TP53BP2: variants seen among roughly 807,000 people sequenced by gnomAD.
TP53BP2 encodes the protein tumor protein p53 binding protein 2.
Under a neutral mutation model 126.2 loss-of-function variants are expected in TP53BP2, and 62 were observed. The observed-to-expected ratio is 0.49, with a 90% CI of 0.40 to 0.61. TP53BP2 has a LOEUF of 0.61. Ranked by LOEUF, TP53BP2 falls within the 20% of genes least tolerant of loss-of-function variation. TP53BP2 has a pLI of 0.00. For synonymous variants in TP53BP2, 485 were observed against 502.9 expected (o/e 0.96, Z 0.48); for missense variants, 1,215 against 1,402.8 (o/e 0.87, Z 2.14).
At chr1:223,813,524 TA>T (rs1238403613) in intron 3 of TP53BP2, among the ~76,000 whole-genome samples, 5 of 152,106 alleles carry the variant, frequency 3.3e-5, no homozygotes, top group Non-Finnish European at 5.9e-5. Context: ...CCAGCTAAGG[TA>T]TCACCTTGCC....
At position 223,821,383 on chromosome 1, in the gene TP53BP2, G is replaced by A. The variant is rs764846432; in HGVS notation, c.28-16C>T. Reference sequence around the variant, plus strand: ...TAAGAAACATCTAAAAATTAAGAGAGAAACACATGGTTACTGGTACTGTCT... The same window carrying A: ...TAAGAAACATCTAAAAATTAAGAGAAAAACACATGGTTACTGGTACTGTCT... On this transcript the variant is annotated splice_polypyrimidine_tract_variant and intron_variant, in intron 1 of 17. Transcript: ENST00000343537. 1 of 1,613,908 alleles carries A rather than the reference G, an allele frequency of 6.2e-7. No individual in the cohort carries two copies. Among genetic ancestry groups the A allele is most frequent in the East Asian group, 2.2e-5 (1 of 44,884 alleles).
At chr1:223,810,753 A>G (rs1054190896) in intron 3 of TP53BP2, among the ~76,000 whole-genome samples, 3 of 152,230 alleles carry the variant, frequency 2.0e-5, no homozygotes, top group African/African-American at 7.2e-5. Context: ...CCTATTCATT[A>G]GGAAAGCTGT....
chr1:223,814,486 C>T, intron 2 of TP53BP2, 133 bp from the exon 3 acceptor site: 1 of 649,600 alleles, frequency 1.5e-6, no homozygotes. Context: ...AAATTTTTTT[C>T]ATTAAAACAC....
Position 223,845,744 on chromosome 1 carries a change from G to T in TP53BP2, c.-64C>A. The T allele has an allele frequency of 6.9e-7, 1 of 1,447,148 alleles. No individual in the cohort carries two copies. Among genetic ancestry groups the T allele is most frequent in the Non-Finnish European group, 9.1e-7 (1 of 1,098,606 alleles). 89.6% of individuals were successfully genotyped at this position (1,447,148 alleles called of 1,614,324 possible). A position where few individuals can be genotyped will look rare whatever the true frequency, so the allele number is the denominator to read the frequency against. ...GGTGCCCCGGAGGGTCGCGGATGCGGGGGAGGGGAGCGGAGAGCGAGGCCG... is the reference window on the plus strand; with the variant it reads ...GGTGCCCCGGAGGGTCGCGGATGCGTGGGAGGGGAGCGGAGAGCGAGGCCG... On this transcript the variant is annotated 5_prime_UTR_variant, in exon 1 of 18. Coordinates refer to ENST00000343537, the MANE Select transcript of TP53BP2 (RefSeq NM_001031685.3).
chr1:223,790,920 A>C (rs1662135417), intron 15 of TP53BP2, among the ~76,000 whole-genome samples: 1 of 152,168 alleles, frequency 6.6e-6, no homozygotes, highest in Non-Finnish European at 1.5e-5. Flanking sequence ...ACTATTATTA[A>C]ATAGTTTGGC....
At position 223,841,665 on chromosome 1, in the gene TP53BP2, G is replaced by A. The variant is rs371193997; in HGVS notation, c.27+3989C>T. ...ACTGGTCTGTAGAGCTGCACACTTT[G>A]CAGTTATGCTCAGAAATATACAAAT... On this transcript the variant is annotated intron_variant, in intron 1 of 17. Transcript: ENST00000343537. Among the ~76,000 whole-genome samples the A allele has an allele frequency of 1.6e-4, 24 of 152,286 alleles. No individual in the cohort carries two copies. The East Asian group carries it at 2.3e-3, about 15-fold the overall frequency.
chr1:223,842,284 A>G (rs966276686), intron 1 of TP53BP2, among the ~76,000 whole-genome samples: 14 of 152,186 alleles, frequency 9.2e-5, no homozygotes, highest in Non-Finnish European at 2.1e-4. Flanking sequence ...ATATGATGAC[A>G]TCGGTTTGAC....
At chr1:223,821,582 G>T (rs114843163) in intron 1 of TP53BP2, 8,532 of 717,532 alleles carry the variant, frequency 0.012, 71 homozygotes, top group Non-Finnish European at 0.016. Context: ...TAGAACCCTT[G>T]GTGACCCTAG....
chr1:223,794,856 CTG>C (rs1335864343), intron 13 of TP53BP2, among the ~76,000 whole-genome samples: 1 of 152,134 alleles, frequency 6.6e-6, no homozygotes, highest in African/African-American at 2.4e-5. Flanking sequence ...TTAAAAATAA[CTG>C]TGGACAATTA....
intron 15 of TP53BP2, among the ~76,000 whole-genome samples, chr1:223,790,763 C>T (rs540963833): frequency 6.6e-5 from 10 of 152,062 alleles, no homozygotes; most frequent in South Asian, 2.1e-4. Context: ...ACCAGCGCAC[C>T]TAGCTAATTT....
Position 223,802,720 on chromosome 1 carries a change from G to T in TP53BP2, c.996+11C>A. On this transcript the variant is annotated intron_variant, in intron 8 of 17. Transcript: ENST00000343537. ...CTCCTCCCCAAAACCATTACAAAAC[G>T]GCCCACTTACTGGTAGATTTTCTTT... 6.2e-7 allele frequency: 1 copy of T among 1,613,754 alleles called. No homozygotes were observed. The highest frequency in any genetic ancestry group is 8.5e-7 in the Non-Finnish European group (1 of 1,179,866).
chr1:223,805,334 A>G (rs1206683951), intron 5 of TP53BP2, among the ~76,000 whole-genome samples: 2 of 152,156 alleles, frequency 1.3e-5, no homozygotes, highest in African/African-American at 4.8e-5. Flanking sequence ...TTCAACAACC[A>G]ATCTTTTTGA....
Position 223,827,403 on chromosome 1 carries a change from A to C in TP53BP2, c.28-6036T>G, listed in dbSNP as rs1258696339. Among the ~76,000 whole-genome samples, 5 of 152,314 alleles carry C rather than the reference A, an allele frequency of 3.3e-5. No individual in the cohort carries two copies. The South Asian group carries it at 8.3e-4, about 25-fold the overall frequency. ...GAGGGAGGAAGATGCAAAAGTGTAC[A>C]ATCAGATTTGGCAAGATGGAGGCTG... On this transcript the variant is annotated intron_variant, in intron 1 of 17. Coordinates refer to ENST00000343537, the MANE Select transcript of TP53BP2 (RefSeq NM_001031685.3).
chr1:223,798,796 G>T (rs1226345234), intron 11 of TP53BP2, 119 bp from the exon 12 acceptor site: 3 of 916,912 alleles, frequency 3.3e-6, no homozygotes, highest in Non-Finnish European at 3.2e-6. Context: ...CTCTGGCCGG[G>T]TGCAGGGGCT....
intron 2 of TP53BP2, among the ~76,000 whole-genome samples, chr1:223,817,973 G>A (rs865807504): frequency 5.4e-5 from 8 of 148,938 alleles, no homozygotes; most frequent in Admixed American, 2.7e-4. Flanking sequence ...AATCTGAAAA[G>A]AAAAGATCTA....
Position 223,795,866 on chromosome 1 carries a change from G to A in TP53BP2, c.2673C>T (p.Asp891=), listed in dbSNP as rs1662301966. The A allele has an allele frequency of 6.3e-7, 1 of 1,592,008 alleles. No homozygotes were observed. The highest frequency in any genetic ancestry group is 8.5e-7 in the Non-Finnish European group (1 of 1,170,064). ...PSGEPEGPGE[D]SVSMRPPEIT... ...TTTCAGGCGGGCGCATGCTCACCGA[G>A]TCTTCTCCGGGCCCTTCAGGCTCCC... Residue 891 remains aspartate, a synonymous_variant, in exon 13 of 18, where the codon GAC becomes GAT. Coordinates refer to ENST00000343537, the MANE Select transcript of TP53BP2 (RefSeq NM_001031685.3).
In TP53BP2 at chr1:223,798,426, C is replaced by A. The variant is rs1424434908; in HGVS notation, c.1737G>T (p.Lys579Asn). The A allele has an allele frequency of 1.2e-6, 2 of 1,614,042 alleles. No individual in the cohort carries two copies. Among genetic ancestry groups the A allele is most frequent in the Non-Finnish European group, 1.7e-6 (2 of 1,180,034 alleles). ...GQDQTLSPGS[K>N]QESPPAAAVR... ...CGGCAGCAGCAGGTGGACTTTCTTG[C>A]TTAGAACCTGGAGAAAGGGTCTGGT... is the stretch of plus-strand genomic sequence containing the variant. Residue 579 changes from lysine to asparagine, a missense_variant, in exon 12 of 18, where the codon AAG becomes AAT. Coordinates refer to ENST00000343537, the MANE Select transcript of TP53BP2 (RefSeq NM_001031685.3).
Position 223,831,030 on chromosome 1 carries a change from G to A in TP53BP2, c.28-9663C>T, listed in dbSNP as rs1037790078. On this transcript the variant is annotated intron_variant, in intron 1 of 17. Coordinates refer to ENST00000343537, the MANE Select transcript of TP53BP2 (RefSeq NM_001031685.3). Reference sequence around the variant, plus strand: ...GGAGAATGGCATGAACCTGGGAGGCGGAGCTTGCAGTGAGCCGAGATCGCG... The same window carrying A: ...GGAGAATGGCATGAACCTGGGAGGCAGAGCTTGCAGTGAGCCGAGATCGCG... Among the ~76,000 whole-genome samples the A allele has an allele frequency of 3.9e-5, 6 of 151,908 alleles. No individual in the cohort carries two copies. The East Asian group carries it at 7.8e-4, about 20-fold the overall frequency.
Position 223,780,658 on chromosome 1 carries a change from G to A in TP53BP2, c.*195C>T. 2 of 604,710 alleles carry A rather than the reference G, an allele frequency of 3.3e-6. No homozygotes were observed. Among genetic ancestry groups the A allele is most frequent in the Non-Finnish European group, 2.9e-6 (1 of 347,508 alleles). 37.5% of individuals were successfully genotyped at this position (604,710 alleles called of 1,614,324 possible). ...CACAGTATGGCCTGCTGACGTAGAT[G>A]CTTTATTTCATCACGCTAAATGTCC... On this transcript the variant is annotated 3_prime_UTR_variant, in exon 18 of 18. Transcript: ENST00000343537.
Sources: allele counts gnomAD v4.1 joint callset (sites outside exome capture counted in the v4.1 genomes callset), GRCh38; gene constraint gnomAD v4.1.1; transcripts MANE v1.5; gene names NCBI Gene and HGNC (gene_info 2026-07-23, HGNC 2026-07-21).